Variants in EZH2 observed in about 807,000 individuals in gnomAD.
The protein encoded by EZH2 is histone-lysine N-methyltransferase EZH2.
A neutral mutation model predicts 98.4 loss-of-function variants in EZH2; 18 were observed. The ratio of observed to expected loss-of-function variants is 0.18; its 90% confidence interval spans 0.13 to 0.27. The LOEUF (loss-of-function observed/expected upper bound fraction) is 0.27, where lower values mean the gene tolerates loss of function less well. Among genes scored for constraint, EZH2 ranks in the 10% least tolerant of loss-of-function variants. EZH2 has a pLI of 1.00. For synonymous variants in EZH2, 338 were observed against 312.3 expected (o/e 1.08, Z -0.87); for missense variants, 470 against 935.1 (o/e 0.50, Z 6.49).
intron 19 of EZH2, 100 bp downstream of exon 19, chr7:148,808,971 C>T (rs193259086): frequency 4.6e-6 from 4 of 863,720 alleles, no homozygotes; most frequent in African/African-American, 3.4e-5. Flanking sequence ...CAAAGTGACC[C>T]ATCAAAAGAA....
chr7:148,869,069 T>G (rs1433518268), intron 1 of EZH2, among the ~76,000 whole-genome samples: 2 of 152,188 alleles, frequency 1.3e-5, no homozygotes, highest in Non-Finnish European at 2.9e-5. Context: ...AGCAAAAGCT[T>G]TTAGGTGCTA....
At chr7:148,839,329 T>A (rs548814181) in intron 3 of EZH2, among the ~76,000 whole-genome samples, 6 of 152,244 alleles carry the variant, frequency 3.9e-5, no homozygotes, top group Admixed American at 3.9e-4. Context: ...CCAAATCCCC[T>A]ACCCATTCTT....
intron 1 of EZH2, among the ~76,000 whole-genome samples, chr7:148,866,500 A>G (rs1232741834): frequency 1.0e-4 from 12 of 118,520 alleles, no homozygotes; most frequent in African/African-American, 2.3e-4. Context: ...AAATATATAT[A>G]CGTATATACA....
At chr7:148,831,045 G>T (rs1809247693) in intron 4 of EZH2, among the ~76,000 whole-genome samples, 1 of 152,174 alleles carries the variant, frequency 6.6e-6, no homozygotes, top group Non-Finnish European at 1.5e-5. Context: ...GGGTGAGATG[G>T]CGTAGGCTCG....
At chr7:148,837,426 A>T (rs1251979761) in intron 3 of EZH2, among the ~76,000 whole-genome samples, 1 of 152,168 alleles carries the variant, frequency 6.6e-6, no homozygotes, top group African/African-American at 2.4e-5. Context: ...AAGTCTAGAG[A>T]AAAGCTGGGG....
intron 6 of EZH2, 79 bp from the exon 7 acceptor site, chr7:148,827,345 G>T: frequency 9.6e-7 from 1 of 1,045,036 alleles, no homozygotes; most frequent in Non-Finnish European, 1.4e-6. Flanking sequence ...ACCCAATTAT[G>T]TCTCTATAAC....
At chr7:148,826,827 C>G (rs568155332) in intron 7 of EZH2, among the ~76,000 whole-genome samples, 195 bp from the exon 8 acceptor site, 8 of 152,220 alleles carry the variant, frequency 5.3e-5, no homozygotes, top group Non-Finnish European at 8.8e-5. Context: ...CGATATGATT[C>G]AAATATATCA....
At chr7:148,837,176 T>G (rs1450256780) in intron 3 of EZH2, among the ~76,000 whole-genome samples, 1 of 152,194 alleles carries the variant, frequency 6.6e-6, no homozygotes, top group Non-Finnish European at 1.5e-5. Flanking sequence ...CTCTGAATAA[T>G]CTTTAACATG....
At chr7:148,867,153 C>T (rs1316809760) in intron 1 of EZH2, among the ~76,000 whole-genome samples, 1 of 151,658 alleles carries the variant, frequency 6.6e-6, no homozygotes, top group African/African-American at 2.4e-5. Flanking sequence ...ATGGTGAAAC[C>T]CTGTCTCTAC....
chr7:148,834,364 C>T (rs555308624), intron 3 of EZH2, among the ~76,000 whole-genome samples: 2,219 of 148,864 alleles, frequency 0.015, 68 homozygotes, highest in African/African-American at 0.052. Flanking sequence ...CACACACACA[C>T]ACACACACAC....
chr7:148,814,556 C>CT (rs554752343), intron 14 of EZH2, among the ~76,000 whole-genome samples: 448 of 152,274 alleles, frequency 2.9e-3, no homozygotes, highest in Non-Finnish European at 4.8e-3. Context: ...TAAAACCCTC[C>CT]TAACTCTGAC....
intron 10 of EZH2, chr7:148,817,669 C>T: frequency 1.4e-6 from 1 of 736,090 alleles, no homozygotes; most frequent in East Asian, 2.7e-5. Context: ...CATCAGCTTT[C>T]AAACAACCAA....
At chr7:148,871,956 A>G (rs1297300796) in intron 1 of EZH2, among the ~76,000 whole-genome samples, 2 of 152,214 alleles carry the variant, frequency 1.3e-5, no homozygotes, top group African/African-American at 4.8e-5. Context: ...GTGTTGTTCA[A>G]TGGGCAACCA....
chr7:148,825,668 G>A (rs1238566398), intron 8 of EZH2, among the ~76,000 whole-genome samples: 1 of 152,150 alleles, frequency 6.6e-6, no homozygotes, highest in Non-Finnish European at 1.5e-5. Flanking sequence ...GGGCCGTTGA[G>A]TACAGGGGAA....
In EZH2 at chr7:148,881,972, G is replaced by GCACA. The variant is rs3059438; in HGVS notation, c.-8+2188_-8+2191dup. ...CATATACACACACACACACGCGCGC[G>GCACA]CACACACACACACACACACACACAC... On this transcript the variant is annotated intron_variant, in intron 1 of 19. Coordinates refer to ENST00000320356, the MANE Select transcript of EZH2 (RefSeq NM_004456.5). 7.7e-3 allele frequency among the ~76,000 whole-genome samples: 1,009 copies of GCACA among 131,828 alleles called. 19 individuals are homozygous for GCACA. Among genetic ancestry groups the GCACA allele is most frequent in the South Asian group, 0.047 (192 of 4,126 alleles). 86.5% of individuals were successfully genotyped at this position (131,828 alleles called of 152,430 possible). A position where few individuals can be genotyped will look rare whatever the true frequency, so the allele number is the denominator to read the frequency against.
chr7:148,841,403 A>G (rs996797931), intron 3 of EZH2, among the ~76,000 whole-genome samples: 1 of 152,172 alleles, frequency 6.6e-6, no homozygotes, highest in African/African-American at 2.4e-5. Flanking sequence ...GTAAATACCA[A>G]TAATAGTTAA....
chr7:148,817,089 A>C (rs1804756071), intron 11 of EZH2, 133 bp downstream of exon 11: 4 of 852,450 alleles, frequency 4.7e-6, no homozygotes, highest in Non-Finnish European at 6.9e-6. Context: ...CCTCTTGGGA[A>C]GAAAAAAAAA....
chr7:148,843,627 G>A (rs1460492777), intron 3 of EZH2, among the ~76,000 whole-genome samples: 37 of 103,312 alleles, frequency 3.6e-4, no homozygotes, highest in Non-Finnish European at 5.2e-4. Flanking sequence ...ACAGCGTCTC[G>A]CTCTGTCGCC....
At chr7:148,823,177 G>C (rs529043427) in intron 8 of EZH2, among the ~76,000 whole-genome samples, 1 of 152,292 alleles carries the variant, frequency 6.6e-6, no homozygotes, top group African/African-American at 2.4e-5. Flanking sequence ...AGGGCTCTCT[G>C]ACTTTGCTGG....
Sources: allele counts gnomAD v4.1 joint callset (sites outside exome capture counted in the v4.1 genomes callset), GRCh38; gene constraint gnomAD v4.1.1; transcripts MANE v1.5; gene names NCBI Gene and HGNC (gene_info 2026-07-23, HGNC 2026-07-21).